The following ABCB5 variants were observed in gnomAD, a reference collection of about 807,000 sequenced individuals.
ABCB5 encodes the protein ATP-binding cassette sub-family B member 5.
ABCB5 carries 155 observed loss-of-function variants against 144.2 expected under a neutral mutation model. The ratio of observed to expected loss-of-function variants is 1.08; its 90% CI spans 0.94 to 1.23. The LOEUF is 1.23. Ranked by LOEUF, ABCB5 falls within the 50% of genes most tolerant of loss-of-function variation. The pLI is 0.00. For synonymous variants in ABCB5, 610 were observed against 528.6 expected (o/e 1.15, Z -2.11); for missense variants, 1,830 against 1,520.8 (o/e 1.20, Z -3.38).
intron 1 of ABCB5, among the ~76,000 whole-genome samples, chr7:20,622,366 C>G (rs1783820162): frequency 6.6e-6 from 1 of 152,114 alleles, no homozygotes; most frequent in South Asian, 2.1e-4. Context: ...CCATTTACTT[C>G]TGTAAAAGGA....
In ABCB5 at chr7:20,704,733, T is replaced by G; in HGVS notation, c.2347T>G (p.Trp783Gly). 1.2e-6 allele frequency: 2 copies of G among 1,613,538 alleles called. No individual in the cohort carries two copies. Among genetic ancestry groups the G allele is most frequent in the South Asian group, 1.1e-5 (1 of 91,020 alleles). The stretch of plus-strand genomic sequence containing the variant: ...TTCTCCTTTTCTCTAGGATATTGCC[T>G]GGTTTGATGAAAAGGAAAACAGCAC... ...FKAMLYQDIA[W>G]FDEKENSTGG... is the part of the protein sequence containing the mutation. Residue 783 changes from tryptophan to glycine, a missense_variant, in exon 20 of 28, where the codon TGG becomes GGG. Transcript: ENST00000404938.
At chr7:20,711,796 C>CTCTCTCTCTT (rs1787055421) in intron 20 of ABCB5, among the ~76,000 whole-genome samples, 1 of 37,482 alleles carries the variant, frequency 2.7e-5, no homozygotes, top group Non-Finnish European at 4.1e-5. Context: ...TTCTTTCTTT[C>CTCTCTCTCTT]TTTCTTTCTT....
chr7:20,737,305 A>G (rs1782413242), intron 23 of ABCB5, among the ~76,000 whole-genome samples: 1 of 151,792 alleles, frequency 6.6e-6, no homozygotes, highest in East Asian at 1.9e-4. Context: ...CTCAGCACTC[A>G]CTCATTAAAG....
In ABCB5 at chr7:20,723,064, G is replaced by T. The variant is rs1044296114; in HGVS notation, c.2470G>T (p.Gly824Ter). 6.2e-7 allele frequency: 1 copy of T among 1,614,072 alleles called. No homozygotes were observed. The highest frequency in any genetic ancestry group is 1.3e-5 in the African/African-American group (1 of 75,026). The change falls in exon 21 of 28, where the codon GGA (glycine) becomes TGA (stop). Residue 824 changes from glycine to a stop codon, truncating the protein, a stop_gained. Transcript: ENST00000404938. LOFTEE classifies it high-confidence loss of function. ...GVLTQNATNM[G>*]LSVIISFIYG... ...CTTAACACAAAATGCAACTAACATG[G>T]GACTTTCAGTTATCATTTCCTTTAT...
chr7:20,719,205 T>C (rs921899445), intron 20 of ABCB5, among the ~76,000 whole-genome samples: 1 of 152,142 alleles, frequency 6.6e-6, no homozygotes, highest in South Asian at 2.1e-4. Context: ...CTGTGGTCAA[T>C]TCTGTCTTTC....
At chr7:20,701,109 T>C (rs1786610513) in intron 19 of ABCB5, among the ~76,000 whole-genome samples, 2 of 152,216 alleles carry the variant, frequency 1.3e-5, no homozygotes, top group African/African-American at 2.4e-5. Flanking sequence ...AAAGGTCCCA[T>C]TTCTGCTTCT....
At chr7:20,716,994 A>G (rs952155553) in intron 20 of ABCB5, among the ~76,000 whole-genome samples, 1 of 152,146 alleles carries the variant, frequency 6.6e-6, no homozygotes, top group Non-Finnish European at 1.5e-5. Flanking sequence ...GACAAAGCCC[A>G]GGCTTACAAG....
intron 19 of ABCB5, among the ~76,000 whole-genome samples, chr7:20,700,386 T>G (rs187124511): frequency 6.6e-6 from 1 of 152,340 alleles, no homozygotes; most frequent in Admixed American, 6.5e-5. Context: ...CTTGCATTCA[T>G]CTTGACAAAT....
intron 15 of ABCB5, among the ~76,000 whole-genome samples, chr7:20,685,111 A>G (rs1785951853): frequency 6.6e-6 from 1 of 152,196 alleles, no homozygotes; most frequent in South Asian, 2.1e-4. Flanking sequence ...TCGGTTTCCC[A>G]AAGTGCTGGG....
intron 3 of ABCB5, among the ~76,000 whole-genome samples, chr7:20,626,854 G>GGTGTGTGTGT (rs370537783): frequency 1.5e-3 from 222 of 143,756 alleles, no homozygotes; most frequent in African/African-American, 3.5e-3. Context: ...GTGTTTTTGG[G>GGTGTGTGTGT]GTGTGTGTGT....
At chr7:20,742,660 G>A (rs1344659183) in intron 24 of ABCB5, among the ~76,000 whole-genome samples, 1 of 152,222 alleles carries the variant, frequency 6.6e-6, no homozygotes, top group Non-Finnish European at 1.5e-5. Context: ...AGTGAAGTCA[G>A]TAGTGAAGAT....
intron 7 of ABCB5, 99 bp downstream of exon 7, chr7:20,643,731 T>A: frequency 7.8e-7 from 1 of 1,289,888 alleles, no homozygotes. Context: ...TCACTTGCCA[T>A]GTCCCAAACT....
At chr7:20,667,309 A>C (rs949790645) in intron 14 of ABCB5, 1 of 984,738 alleles carries the variant, frequency 1.0e-6, no homozygotes, top group Non-Finnish European at 1.2e-6. Context: ...ATATGAGAAG[A>C]GATATATATT....
intron 14 of ABCB5, among the ~76,000 whole-genome samples, chr7:20,680,665 C>T (rs1054347857): frequency 3.3e-5 from 5 of 151,636 alleles, no homozygotes; most frequent in African/African-American, 9.7e-5. Context: ...TACCATGATA[C>T]GGGCAAATTC....
chr7:20,678,634 AAAAAC>A (rs138655186), intron 14 of ABCB5, among the ~76,000 whole-genome samples: 26,870 of 150,606 alleles, frequency 0.18, 2,375 homozygotes, highest in East Asian at 0.24. Flanking sequence ...AAACAAAAAC[AAAAAC>A]AAAAAAAAAC....
At chr7:20,678,995 C>A (rs369525767) in intron 14 of ABCB5, among the ~76,000 whole-genome samples, 1 of 152,006 alleles carries the variant, frequency 6.6e-6, no homozygotes, top group Non-Finnish European at 1.5e-5. Flanking sequence ...ATATCACATC[C>A]AAATATGAAA....
At chr7:20,659,012 C>A in intron 14 of ABCB5, 1 of 1,588,874 alleles carries the variant, frequency 6.3e-7, no homozygotes. Flanking sequence ...CCACCCTTTG[C>A]TTCTTCTACA....
rs1021183707 is a variant in ABCB5 at position 20,647,554 on chromosome 7, A to T, written c.1001A>T (p.His334Leu). ...CTGTAGGTTTTCTTTAGTGTAATCC[A>T]TAGCAGTTATTGCATTGGAGCAGCA... is the stretch of plus-strand genomic sequence containing the variant. The part of the protein sequence containing the change: ...TVLAVFFSVI[H>L]SSYCIGAAVP... The change falls in exon 10 of 28, where the codon CAT becomes CTT. Residue 334 changes from histidine (H) to leucine (L), a missense_variant. Transcript: ENST00000404938. 2 of 1,582,336 alleles carry T rather than the reference A, an allele frequency of 1.3e-6. No homozygotes were observed. Among genetic ancestry groups the T allele is most frequent in the Non-Finnish European group, 1.7e-6 (2 of 1,163,076 alleles).
chr7:20,670,907 C>T (rs959480593), intron 14 of ABCB5, among the ~76,000 whole-genome samples: 1 of 152,012 alleles, frequency 6.6e-6, no homozygotes, highest in African/African-American at 2.4e-5. Context: ...GAAATTCCAC[C>T]TGAAATAAAA....
Sources: allele counts gnomAD v4.1 joint callset (sites outside exome capture counted in the v4.1 genomes callset), GRCh38; gene constraint gnomAD v4.1.1; transcripts MANE v1.5; gene names NCBI Gene and HGNC (gene_info 2026-07-23, HGNC 2026-07-21).